CADPS: variants seen among roughly 807,000 people sequenced by gnomAD.
CADPS encodes the protein calcium-dependent secretion activator 1.
Under a neutral mutation model 167.3 loss-of-function variants are expected in CADPS, and 57 were observed. That is an observed-to-expected ratio of 0.34 (90% CI 0.28 to 0.42). The LOEUF is 0.42. CADPS is among the 20% of genes least tolerant of loss of function. CADPS has a pLI of 1.00. For missense variants in CADPS, 1,414 were observed against 1,738.1 expected, an observed-to-expected ratio of 0.81 and a Z score of 3.32; for synonymous variants, 676 against 635.3, an observed-to-expected ratio of 1.06 and a Z score of -0.96.
intron 3 of CADPS, among the ~76,000 whole-genome samples, chr3:62,725,052 C>T (rs2076486723): frequency 6.6e-6 from 1 of 152,230 alleles, no homozygotes; most frequent in Admixed American, 6.5e-5. Context: ...GGAAGACTTC[C>T]AGTTTTCTGC....
chr3:62,734,212 A>G (rs2078521207), intron 3 of CADPS, among the ~76,000 whole-genome samples: 1 of 152,216 alleles, frequency 6.6e-6, no homozygotes, highest in Admixed American at 6.5e-5. Context: ...AACTGCAGAT[A>G]TAGACCAATG....
chr3:62,405,143 G>A (rs915807696), intron 28 of CADPS, among the ~76,000 whole-genome samples: 4 of 150,352 alleles, frequency 2.7e-5, no homozygotes, highest in African/African-American at 7.4e-5. Flanking sequence ...ATCTGGGGGG[G>A]GGGGGGGCTC....
At chr3:62,516,033 A>AAACTGGGGGCAGAAGGGAGCCTTACT (rs2068895713) in intron 16 of CADPS, 26 bp downstream of exon 16, 2 of 1,611,928 alleles carry the variant, frequency 1.2e-6, no homozygotes, top group Non-Finnish European at 1.7e-6. Context: ...TTTAAATTCA[A>AAACTGGGGGCAGAAGGGAGCCTTACT]AACTGGGGGC....
chr3:62,836,855 A>G (rs1046269179), intron 1 of CADPS, among the ~76,000 whole-genome samples: 2 of 152,084 alleles, frequency 1.3e-5, no homozygotes, highest in Non-Finnish European at 2.9e-5. Flanking sequence ...TCTTCTTTTG[A>G]TAAAAGAAAG....
In CADPS at chr3:62,544,163, T is replaced by A. The variant is rs754708701; in HGVS notation, c.1966+5740A>T. Among the ~76,000 whole-genome samples the A allele has an allele frequency of 2.0e-5, 3 of 152,124 alleles. No individual in the cohort carries two copies. The highest frequency in any genetic ancestry group is 2.1e-4 in the South Asian group (1 of 4,826). On this transcript the variant is annotated intron_variant, in intron 11 of 29. Coordinates refer to ENST00000383710, the MANE Select transcript of CADPS (RefSeq NM_003716.4). The surrounding 1 kb of genome is among the most constrained non-coding windows in gnomAD (Gnocchi z 4.4). ...TTGTCCTTAATTTCCTGTTTTTGTG[T>A]GTGCTAGTTCCATGTATTGTAGCTC... is the stretch of plus-strand genomic sequence containing the variant.
In CADPS at chr3:62,753,858, C is replaced by T; in HGVS notation, c.556-85G>A. 7.7e-7 allele frequency: 1 copy of T among 1,300,926 alleles called. No individual in the cohort carries two copies. Among genetic ancestry groups the T allele is most frequent in the Non-Finnish European group, 1.1e-6 (1 of 945,942 alleles). The allele number at this position is 1,300,926 out of a possible 1,614,324, so 80.6% of individuals were successfully genotyped here. On this transcript the variant is annotated intron_variant, in intron 2 of 29. Transcript: ENST00000383710. This position sits in a 1 kb window ranked among gnomAD's most constrained non-coding sequence, Gnocchi z 4.6. ...CCTGGGGCTGGACACTGGGCCAGTC[C>T]ACCTCACGTGCATCCCAGGAGGAAC...
intron 1 of CADPS, 57 bp from the exon 2 acceptor site, chr3:62,766,041 G>A: frequency 1.6e-6 from 2 of 1,271,246 alleles, no homozygotes; most frequent in South Asian, 2.4e-5. Flanking sequence ...AAGGATCATG[G>A]ATACTTTATG....
chr3:62,482,828 A>G (rs1638901725), intron 21 of CADPS, among the ~76,000 whole-genome samples: 1 of 152,202 alleles, frequency 6.6e-6, no homozygotes, highest in South Asian at 2.1e-4. Flanking sequence ...ATTTTTCTGT[A>G]AAAAGTTAAA....
chr3:62,436,848 G>A (rs2055168771), intron 28 of CADPS, among the ~76,000 whole-genome samples: 1 of 151,702 alleles, frequency 6.6e-6, no homozygotes, highest in Admixed American at 6.6e-5. Context: ...CACAGAAAGG[G>A]GACGATTGGA....
intron 18 of CADPS, 75 bp downstream of exon 18, chr3:62,499,087 A>C (rs948638042): frequency 7.1e-5 from 61 of 860,604 alleles, no homozygotes; most frequent in Non-Finnish European, 1.1e-4. Context: ...TCTTATTCAC[A>C]ATCTGGCTGG....
At chr3:62,444,496 C>G (rs141373919) in intron 27 of CADPS, among the ~76,000 whole-genome samples, 2 of 152,304 alleles carry the variant, frequency 1.3e-5, no homozygotes, top group African/African-American at 4.8e-5. Context: ...GTTAGCTCCC[C>G]ACGAAGGGAA....
intron 6 of CADPS, among the ~76,000 whole-genome samples, chr3:62,593,658 T>C (rs2086584977): frequency 6.6e-6 from 1 of 152,204 alleles, no homozygotes; most frequent in Non-Finnish European, 1.5e-5. Context: ...GACTCTGCCA[T>C]CTCAGACCTG....
intron 3 of CADPS, among the ~76,000 whole-genome samples, chr3:62,685,453 G>C (rs981066892): frequency 4.6e-5 from 7 of 151,952 alleles, no homozygotes; most frequent in Non-Finnish European, 1.0e-4. Flanking sequence ...GTTTAGAAGA[G>C]AGAGGGACCT....
At chr3:62,755,900 G>C (rs1320545549) in intron 2 of CADPS, among the ~76,000 whole-genome samples, 1 of 152,176 alleles carries the variant, frequency 6.6e-6, no homozygotes, top group Admixed American at 6.5e-5. Flanking sequence ...TCAAATACCA[G>C]TGTTTTGAGG....
At chr3:62,784,841 A>C (rs1464954109) in intron 1 of CADPS, among the ~76,000 whole-genome samples, 1 of 152,144 alleles carries the variant, frequency 6.6e-6, no homozygotes, top group Non-Finnish European at 1.5e-5. Context: ...CAATGTATGC[A>C]GCTCATTTGG....
At chr3:62,585,353 A>G (rs751821216) in intron 7 of CADPS, 29 bp from the exon 8 acceptor site, 5 of 1,590,576 alleles carry the variant, frequency 3.1e-6, no homozygotes, top group Non-Finnish European at 3.4e-6. Flanking sequence ...AAGCAACTAG[A>G]AAAGAGAAGC....
intron 26 of CADPS, among the ~76,000 whole-genome samples, chr3:62,460,854 A>T (rs998614126): frequency 6.6e-6 from 1 of 152,230 alleles, no homozygotes; most frequent in Admixed American, 6.5e-5. Context: ...GGCCCTTGAC[A>T]GCCCTAAGAT....
chr3:62,746,993 T>C (rs2152356058), intron 3 of CADPS, among the ~76,000 whole-genome samples: 1 of 152,284 alleles, frequency 6.6e-6, no homozygotes, highest in South Asian at 2.1e-4. Context: ...GCAGGACAAC[T>C]ATAAAGTCAT....
Position 62,399,682 on chromosome 3 carries a change from C to T in CADPS, c.3883-97G>A. 1.1e-6 allele frequency: 1 copy of T among 912,144 alleles called. No individual in the cohort carries two copies. Among genetic ancestry groups the T allele is most frequent in the East Asian group, 2.4e-5 (1 of 41,150 alleles). The allele number at this position is 912,144 out of a possible 1,614,324, so 56.5% of individuals were successfully genotyped here. A position where few individuals can be genotyped will look rare whatever the true frequency, so the allele number is the denominator to read the frequency against. On this transcript the variant is annotated intron_variant, in intron 29 of 29. Coordinates refer to ENST00000383710, the MANE Select transcript of CADPS (RefSeq NM_003716.4). The surrounding 1 kb of genome is among the most constrained non-coding windows in gnomAD (Gnocchi z 5.6). ...GTGTGGGTGGGAGAGCACTGACCTT[C>T]AGCTAAATATCACACTTTATGCATT...
Sources: allele counts gnomAD v4.1 joint callset (sites outside exome capture counted in the v4.1 genomes callset), GRCh38; gene constraint gnomAD v4.1.1; non-coding constraint Gnocchi (gnomAD v3.1); transcripts MANE v1.5; gene names NCBI Gene and HGNC (gene_info 2026-07-23, HGNC 2026-07-21).